Variants in HIVEP3 observed in about 807,000 individuals in gnomAD.
HIVEP3 encodes the protein HIVEP zinc finger 3, also known as transcription factor HIVEP3.
Under a neutral mutation model 152.8 loss-of-function variants are expected in HIVEP3, and 49 were observed. That is an observed-to-expected ratio of 0.32 (90% CI 0.26 to 0.41). The LOEUF is 0.41. HIVEP3 is among the 10% of genes least tolerant of loss of function. HIVEP3 has a pLI of 1.00. For missense variants in HIVEP3, 2,790 were observed against 3,103.3 expected, an observed-to-expected ratio of 0.90 and a Z score of 2.40; for synonymous variants, 1,269 against 1,289.0, an observed-to-expected ratio of 0.98 and a Z score of 0.33.
chr1:41,967,968 G>A (rs1333231562), intron 1 of HIVEP3, among the ~76,000 whole-genome samples: 5 of 152,062 alleles, frequency 3.3e-5, no homozygotes, highest in African/African-American at 1.2e-4. Flanking sequence ...TAAATTCCTA[G>A]ACACATACAA....
chr1:41,790,455 C>T (rs1490537907), intron 1 of HIVEP3, among the ~76,000 whole-genome samples: 7 of 152,294 alleles, frequency 4.6e-5, no homozygotes, highest in South Asian at 2.1e-4. Context: ...TACCCAGCCT[C>T]GCATATTACT....
intron 1 of HIVEP3, among the ~76,000 whole-genome samples, chr1:41,808,447 C>T (rs1194430233): frequency 6.6e-6 from 1 of 152,246 alleles, no homozygotes; most frequent in Non-Finnish European, 1.5e-5. Context: ...TCATGACAGG[C>T]AGAATCCAGG....
chr1:41,782,933 C>G (rs1294442821), intron 1 of HIVEP3, among the ~76,000 whole-genome samples: 1 of 152,152 alleles, frequency 6.6e-6, no homozygotes, highest in Non-Finnish European at 1.5e-5. Context: ...CAACACCTCA[C>G]TCCCCCCACA....
At chr1:42,012,485 G>C (rs191541) in intron 1 of HIVEP3, among the ~76,000 whole-genome samples, 8,623 of 152,132 alleles carry the variant, frequency 0.057, 846 homozygotes, top group African/African-American at 0.2. Context: ...GAGGTCAAGA[G>C]TTCAAGACCA....
intron 1 of HIVEP3, among the ~76,000 whole-genome samples, chr1:41,866,016 G>C (rs1398398548): frequency 6.6e-6 from 1 of 152,212 alleles, no homozygotes; most frequent in Non-Finnish European, 1.5e-5. Flanking sequence ...CCGCTGCTGT[G>C]ATGGCAGCTG....
chr1:41,600,233 T>C (rs1231730449), intron 3 of HIVEP3, among the ~76,000 whole-genome samples: 4 of 152,164 alleles, frequency 2.6e-5, no homozygotes, highest in African/African-American at 9.7e-5. Context: ...CTCAAAAGAA[T>C]TGAAATCAGA....
intron 1 of HIVEP3, among the ~76,000 whole-genome samples, chr1:41,805,058 C>T (rs1051316182): frequency 3.3e-5 from 5 of 152,176 alleles, no homozygotes; most frequent in African/African-American, 7.2e-5. Flanking sequence ...ATGAAATGGC[C>T]GGGCGCGGTG....
intron 1 of HIVEP3, among the ~76,000 whole-genome samples, chr1:41,831,064 T>G (rs1642949574): frequency 6.6e-6 from 1 of 152,240 alleles, no homozygotes; most frequent in African/African-American, 2.4e-5. Context: ...TCTTTTTTTC[T>G]TATTGTTTTT....
Position 41,576,362 on chromosome 1 carries a change from C to T in HIVEP3, c.5062-673G>A, listed in dbSNP as rs148145452. Among the ~76,000 whole-genome samples, 126 of 152,340 alleles carry T rather than the reference C, an allele frequency of 8.3e-4. 1 individual carries two copies. Among genetic ancestry groups the T allele is most frequent in the African/African-American group, 2.5e-3 (106 of 41,580 alleles). On this transcript the variant is annotated intron_variant, in intron 4 of 8. Transcript: ENST00000372583. ...AGTCCTGCAGGACCCACGCTCTTTA[C>T]AGAGCCACACCTCAGTGATGAGAGC... is the stretch of plus-strand genomic sequence containing the variant.
chr1:41,744,810 C>T (rs920548868), intron 1 of HIVEP3, among the ~76,000 whole-genome samples: 4 of 152,074 alleles, frequency 2.6e-5, no homozygotes, highest in African/African-American at 9.7e-5. Context: ...CATTCCAACA[C>T]ATACATATCT....
At chr1:41,577,843 T>G (rs1033960324) in intron 4 of HIVEP3, among the ~76,000 whole-genome samples, 2 of 152,166 alleles carry the variant, frequency 1.3e-5, no homozygotes, top group African/African-American at 4.8e-5. Context: ...GAGAGAGGTG[T>G]AGTTGTATAA....
intron 1 of HIVEP3, among the ~76,000 whole-genome samples, chr1:41,727,197 C>T (rs1322843974): frequency 6.6e-6 from 1 of 152,202 alleles, no homozygotes; most frequent in East Asian, 1.9e-4. Flanking sequence ...TCCTTCTCTC[C>T]TCACACTCTC....
intron 6 of HIVEP3, among the ~76,000 whole-genome samples, chr1:41,520,797 T>C (rs1436927439): frequency 2.0e-5 from 3 of 152,210 alleles, no homozygotes; most frequent in Non-Finnish European, 4.4e-5. Flanking sequence ...TCAAAGTCCA[T>C]GTAATTCAAC....
At chr1:42,011,107 AT>A (rs970644094) in intron 1 of HIVEP3, among the ~76,000 whole-genome samples, 10 of 151,062 alleles carry the variant, frequency 6.6e-5, no homozygotes, top group African/African-American at 1.7e-4. Context: ...GTTGTCACAA[AT>A]TTTTTTTTTC....
chr1:41,626,714 T>C (rs1249541209), intron 3 of HIVEP3, among the ~76,000 whole-genome samples: 2 of 152,138 alleles, frequency 1.3e-5, no homozygotes, highest in Admixed American at 6.5e-5. Context: ...AGGAAACAAG[T>C]GCTAAGTTGA....
At chr1:41,876,718 C>G (rs1378119929) in intron 1 of HIVEP3, among the ~76,000 whole-genome samples, 1 of 152,148 alleles carries the variant, frequency 6.6e-6, no homozygotes, top group African/African-American at 2.4e-5. Flanking sequence ...TGAAATTCAG[C>G]ACTTGGAAAA....
At chr1:41,763,199 C>G (rs1647803728) in intron 1 of HIVEP3, among the ~76,000 whole-genome samples, 1 of 152,210 alleles carries the variant, frequency 6.6e-6, no homozygotes, top group Admixed American at 6.5e-5. Context: ...AAGAGCTGCT[C>G]CAGCATGCTC....
At chr1:41,945,057 A>T (rs1645067604) in intron 1 of HIVEP3, among the ~76,000 whole-genome samples, 2 of 152,230 alleles carry the variant, frequency 1.3e-5, no homozygotes, top group African/African-American at 4.8e-5. Context: ...TGTAGAAAAG[A>T]AGGTAAATGG....
At chr1:41,718,613 C>T (rs532419382) in intron 1 of HIVEP3, among the ~76,000 whole-genome samples, 3 of 152,152 alleles carry the variant, frequency 2.0e-5, no homozygotes, top group Non-Finnish European at 4.4e-5. Context: ...TCTGCCCAGG[C>T]GTGTCAGCTG....
Sources: gnomAD v4.1 joint callset for allele counts (sites outside exome capture counted in the v4.1 genomes callset) on GRCh38, gnomAD v4.1.1 for gene constraint, MANE v1.5 for transcripts, NCBI Gene and HGNC (gene_info 2026-07-23, HGNC 2026-07-21) for gene names.